The following PTDSS2 variants were observed in gnomAD, a reference collection of about 807,000 sequenced individuals.
PTDSS2 encodes PSS-2.
A neutral mutation model predicts 64.7 loss-of-function variants in PTDSS2; 41 were observed. That is an observed-to-expected ratio of 0.63 (90% CI 0.49 to 0.82). PTDSS2 has a LOEUF of 0.82. Ranked by LOEUF, PTDSS2 falls within the 40% of genes least tolerant of loss-of-function variation. The probability of loss-of-function intolerance (pLI) is 0.00; values close to 1 mark genes in which losing one functional copy is unlikely to be tolerated. For synonymous variants in PTDSS2, 297 were observed against 277.8 expected, an observed-to-expected ratio of 1.07 and a Z score of -0.69; for missense variants, 485 against 650.0, an observed-to-expected ratio of 0.75 and a Z score of 2.76.
chr11:487,372 G>C (rs769070791), intron 5 of PTDSS2, 48 bp from the exon 6 acceptor site: 3 of 1,554,720 alleles, frequency 1.9e-6, no homozygotes, highest in East Asian at 4.5e-5. Flanking sequence ...TGTGGGGAGT[G>C]GGGGTGGCTG....
rs1256398160 is a variant in PTDSS2, at chr11:490,408, C to T, written c.1302-12C>T. ...GTGGGGGCAGGTGGTGACGCTGCAT[C>T]CCGCTCCCCAGGGACATCACATTGA... is the stretch of plus-strand genomic sequence containing the variant. On this transcript the variant is annotated splice_polypyrimidine_tract_variant and intron_variant, in intron 11 of 11. Transcript: ENST00000308020. The T allele has an allele frequency of 6.2e-7, 1 of 1,613,148 alleles. No individual in the cohort carries two copies. Among genetic ancestry groups the T allele is most frequent in the Non-Finnish European group, 8.5e-7 (1 of 1,179,932 alleles).
chr11:472,007 ACGCGGATGGCG>A (rs1418273055), intron 2 of PTDSS2, among the ~76,000 whole-genome samples: 12 of 121,168 alleles, frequency 9.9e-5, no homozygotes, highest in Non-Finnish European at 1.5e-4. Context: ...GCCTGGGGTG[ACGCGGATGGCG>A]GCCTGGGGTG....
At chr11:450,742 G>C in intron 1 of PTDSS2, 105 bp downstream of exon 1, 1 of 1,010,832 alleles carries the variant, frequency 9.9e-7, no homozygotes, top group Non-Finnish European at 1.3e-6. Flanking sequence ...CCGTCTTGGA[G>C]TCCAGGACTG....
At chr11:478,401 G>A (rs7108959) in intron 3 of PTDSS2, among the ~76,000 whole-genome samples, 34,009 of 151,660 alleles carry the variant, frequency 0.22, 4,143 homozygotes, top group African/African-American at 0.33. Context: ...AGAGGTTGCA[G>A]TGCAACAAGA....
chr11:450,345 C>G lies in PTDSS2; in HGVS notation c.-111C>G. ...TCTCCTAAGACCCCGCGGGCCAGCG[C>G]CGCGACCCCTTCCCAGCGCTCCTCG... On this transcript the variant is annotated 5_prime_UTR_variant, in exon 1 of 12. Transcript: ENST00000308020. 1 of 1,015,014 alleles carries G rather than the reference C, an allele frequency of 9.9e-7. No individual in the cohort carries two copies. Among genetic ancestry groups the G allele is most frequent in the Non-Finnish European group, 1.3e-6 (1 of 795,868 alleles). The allele number at this position is 1,015,014 out of a possible 1,614,324, so 62.9% of individuals were successfully genotyped here.
Position 460,307 on chromosome 11 carries a change from C to T in PTDSS2, c.284+19C>T, listed in dbSNP as rs1336874202. 6.2e-7 allele frequency: 1 copy of T among 1,600,312 alleles called. No individual in the cohort carries two copies. Among genetic ancestry groups the T allele is most frequent in the African/African-American group, 1.3e-5 (1 of 74,584 alleles). The stretch of plus-strand genomic sequence containing the variant: ...CCAAGAGGTAAGCTGCCCTCTTGTC[C>T]TGCCTTCTGAAACTGCCCTGTGCCC... On this transcript the variant is annotated intron_variant, in intron 2 of 11. Transcript: ENST00000308020. This position sits in a 1 kb window ranked among gnomAD's most constrained non-coding sequence, Gnocchi z 5.8.
chr11:451,277 G>T, intron 1 of PTDSS2: 1 of 391,108 alleles, frequency 2.6e-6, no homozygotes, highest in Non-Finnish European at 5.4e-6. Flanking sequence ...CCCCCTGTCC[G>T]CCACTCTGCC....
rs1847953808 is a variant in PTDSS2, at chr11:479,214, G to A, written c.435+62G>A. 7.2e-7 allele frequency: 1 copy of A among 1,396,214 alleles called. No individual in the cohort carries two copies. 86.5% of individuals were successfully genotyped at this position (1,396,214 alleles called of 1,614,324 possible). Reference sequence around the variant, plus strand: ...AGGTGACAGTGTGGCCCCAGGCATGGTGACAAAGGAGGCCTTGCCCACACA... The same window carrying A: ...AGGTGACAGTGTGGCCCCAGGCATGATGACAAAGGAGGCCTTGCCCACACA... On this transcript the variant is annotated intron_variant, in intron 4 of 11. Transcript: ENST00000308020. The surrounding 1 kb of genome is among the most constrained non-coding windows in gnomAD (Gnocchi z 4.2).
intron 4 of PTDSS2, among the ~76,000 whole-genome samples, chr11:481,704 A>G (rs1037574195): frequency 1.3e-5 from 2 of 152,198 alleles, no homozygotes; most frequent in African/African-American, 4.8e-5. Flanking sequence ...GCGTCCTGCA[A>G]CCGTGCTGAA....
rs549121407 is a variant in PTDSS2, at chr11:458,267, C to G, written c.183-1920C>G. Among the ~76,000 whole-genome samples, 19 of 150,926 alleles carry G rather than the reference C, an allele frequency of 1.3e-4. No homozygotes were observed. The South Asian group carries it at 3.8e-3, about 30-fold the overall frequency. ...TCGCCCAGGCTGGAGTGCAGTGGCG[C>G]GATCTCGGCTCACTGCAGGCTCCGC... On this transcript the variant is annotated intron_variant, in intron 1 of 11. Transcript: ENST00000308020.
In PTDSS2 at chr11:485,743, C is replaced by T. The variant is rs141454340; in HGVS notation, c.436-1196C>T. On this transcript the variant is annotated intron_variant, in intron 4 of 11. Coordinates refer to ENST00000308020, the MANE Select transcript of PTDSS2 (RefSeq NM_030783.3). ...ACTGCACGGGCGCGTGTGCTCACTG[C>T]GCAGGCGAGCGTAAACAGTGCACGG... Among the ~76,000 whole-genome samples the T allele has an allele frequency of 9.8e-3, 1,252 of 127,646 alleles. 38 individuals carry two copies. The highest frequency in any genetic ancestry group is 0.023 in the South Asian group (95 of 4,066). The allele number at this position is 127,646 out of a possible 152,430, so 83.7% of individuals were successfully genotyped here.
chr11:485,744 G>C, intron 4 of PTDSS2, among the ~76,000 whole-genome samples: 1 of 141,262 alleles, frequency 7.1e-6, no homozygotes, highest in Non-Finnish European at 1.5e-5. Flanking sequence ...TGCTCACTGC[G>C]CAGGCGAGCG....
chr11:460,370 C>T lies in PTDSS2; in HGVS notation c.284+82C>T, dbSNP rs752966772. On this transcript the variant is annotated intron_variant, in intron 2 of 11. Coordinates refer to ENST00000308020, the MANE Select transcript of PTDSS2 (RefSeq NM_030783.3). This position sits in a 1 kb window ranked among gnomAD's most constrained non-coding sequence, Gnocchi z 5.8. ...GTGGCACCCTTACTGCTCGGGCTGC[C>T]GGGGGCTCAGAAGGCCTTCACCAGA... 1.3e-5 allele frequency: 16 copies of T among 1,212,654 alleles called. No homozygotes were observed. The East Asian group carries it at 1.5e-4, about 11-fold the overall frequency. The allele number at this position is 1,212,654 out of a possible 1,614,324, so 75.1% of individuals were successfully genotyped here.
intron 1 of PTDSS2, among the ~76,000 whole-genome samples, chr11:452,670 ACGCATGGGG>A (rs1380820857): frequency 6.6e-6 from 1 of 151,854 alleles, no homozygotes; most frequent in Admixed American, 6.6e-5. Context: ...CCCTGTAGAG[ACGCATGGGG>A]CAGGTTCTTG....
Position 490,566 on chromosome 11 carries a change from C to T in PTDSS2, c.1448C>T (p.Ala483Val). 6.2e-7 allele frequency: 1 copy of T among 1,600,438 alleles called. No homozygotes were observed. Among genetic ancestry groups the T allele is most frequent in the African/African-American group, 1.3e-5 (1 of 74,968 alleles). ...CCTGGGGTGGCCGAGGGCGAGGGAG[C>T]ACCAACTCCAAACTGACCTGGGCCG... is the stretch of plus-strand genomic sequence containing the variant. ...LGPGVAEGEG[A>V]PTPN The change falls in exon 12 of 12, where the codon GCA (alanine) becomes GTA (valine). Residue 483 changes from alanine to valine, a missense_variant. Physicochemically the swap from Ala to Val is moderately conservative, Grantham distance 64. Transcript: ENST00000308020.
rs543450000 is a variant in PTDSS2, at chr11:453,519, G to A, written c.182+2882G>A. ...AAATGAGCCTTCTCAGTGACCTGAG[G>A]ACTTTATGTGTGAGGTGACCTCTGA... On this transcript the variant is annotated intron_variant, in intron 1 of 11. Coordinates refer to ENST00000308020, the MANE Select transcript of PTDSS2 (RefSeq NM_030783.3). Among the ~76,000 whole-genome samples, 5 of 152,328 alleles carry A rather than the reference G, an allele frequency of 3.3e-5. No individual in the cohort carries two copies. The East Asian group carries it at 9.6e-4, about 29-fold the overall frequency.
intron 2 of PTDSS2, among the ~76,000 whole-genome samples, chr11:464,840 C>T (rs1463014528): frequency 6.6e-6 from 1 of 152,210 alleles, no homozygotes; most frequent in Non-Finnish European, 1.5e-5. Flanking sequence ...ATGTAATACA[C>T]TTAAAATATA....
chr11:487,311 C>T (rs1848438180), intron 5 of PTDSS2, 109 bp from the exon 6 acceptor site: 2 of 1,138,550 alleles, frequency 1.8e-6, no homozygotes, highest in Admixed American at 1.7e-5. Context: ...AGTCCCTGGC[C>T]TTCTTCCCGG....
intron 3 of PTDSS2, among the ~76,000 whole-genome samples, chr11:475,883 G>A (rs879586386): frequency 9.2e-5 from 14 of 152,262 alleles, no homozygotes; most frequent in Admixed American, 6.5e-4. Context: ...ATTTTTTCAC[G>A]TATGCTCTGT....
Sources: allele counts gnomAD v4.1 joint callset (sites outside exome capture counted in the v4.1 genomes callset), GRCh38; gene constraint gnomAD v4.1.1; non-coding constraint Gnocchi (gnomAD v3.1); transcripts MANE v1.5; gene names NCBI Gene and HGNC (gene_info 2026-07-23, HGNC 2026-07-21).